The following RAPGEF2 variants were observed in gnomAD, a reference collection of about 807,000 sequenced individuals.
The protein encoded by RAPGEF2 is PDZ domain containing guanine nucleotide exchange factor (GEF) 1.
A neutral mutation model predicts 186.7 loss-of-function variants in RAPGEF2; 54 were observed. That is an observed-to-expected ratio of 0.29 (90% CI 0.23 to 0.36). RAPGEF2 has a LOEUF of 0.36. Ranked by LOEUF, RAPGEF2 falls within the 10% of genes least tolerant of loss-of-function variation. RAPGEF2 has a pLI of 1.00. For missense variants in RAPGEF2, 1,532 were observed against 2,045.0 expected, an observed-to-expected ratio of 0.75 and a Z score of 4.84; for synonymous variants, 712 against 705.9, an observed-to-expected ratio of 1.01 and a Z score of -0.14.
intron 4 of RAPGEF2, among the ~76,000 whole-genome samples, chr4:159,220,522 A>G (rs1327821657): frequency 1.3e-5 from 2 of 152,218 alleles, no homozygotes; most frequent in Non-Finnish European, 2.9e-5. Flanking sequence ...TTGGCGAGAC[A>G]TACAGGACAG....
chr4:159,131,698 G>T (rs1363297473), intron 1 of RAPGEF2, among the ~76,000 whole-genome samples: 1 of 151,590 alleles, frequency 6.6e-6, no homozygotes, highest in African/African-American at 2.4e-5. Context: ...CGTCTTTCGC[G>T]TTGTTGTGTA....
At chr4:159,326,341 T>G (rs1309329757) in intron 11 of RAPGEF2, among the ~76,000 whole-genome samples, 2 of 152,224 alleles carry the variant, frequency 1.3e-5, no homozygotes, top group African/African-American at 4.8e-5. Context: ...TTTCTATCAT[T>G]TTACTGACCA....
chr4:159,113,978 A>G (rs1034146795), intron 1 of RAPGEF2, among the ~76,000 whole-genome samples: 4 of 151,762 alleles, frequency 2.6e-5, no homozygotes, highest in Admixed American at 6.6e-5. Flanking sequence ...TATTTTTGCA[A>G]CAGGATCTCA....
intron 1 of RAPGEF2, among the ~76,000 whole-genome samples, chr4:159,181,097 T>C (rs887579084): frequency 7.2e-5 from 11 of 152,228 alleles, no homozygotes; most frequent in African/African-American, 2.4e-4. Flanking sequence ...GTGGCCCTTA[T>C]ACAACTGTGA....
At chr4:159,232,335 A>G (rs528608175) in intron 4 of RAPGEF2, among the ~76,000 whole-genome samples, 2 of 152,180 alleles carry the variant, frequency 1.3e-5, no homozygotes, top group African/African-American at 2.4e-5. Context: ...TTCTGTCTCT[A>G]TGAATTTGCC....
chr4:159,206,490 A>G (rs1391514369), intron 3 of RAPGEF2, among the ~76,000 whole-genome samples: 2 of 152,136 alleles, frequency 1.3e-5, no homozygotes, highest in East Asian at 1.9e-4. Flanking sequence ...GTACTGAACA[A>G]TTTGCTGCTG....
At chr4:159,284,618 CTT>C (rs34264272) in intron 7 of RAPGEF2, among the ~76,000 whole-genome samples, 1 of 152,060 alleles carries the variant, frequency 6.6e-6, no homozygotes, top group Non-Finnish European at 1.5e-5. Flanking sequence ...CACTTTATCC[CTT>C]TTTTCCTGAA....
intron 1 of RAPGEF2, among the ~76,000 whole-genome samples, chr4:159,138,444 C>T (rs1001675803): frequency 2.6e-5 from 4 of 152,140 alleles, no homozygotes; most frequent in African/African-American, 9.7e-5. Context: ...TCTCTTTCAG[C>T]TTTTGAAATT....
chr4:159,312,694 A>G (rs1764091630), intron 8 of RAPGEF2, among the ~76,000 whole-genome samples: 1 of 152,168 alleles, frequency 6.6e-6, no homozygotes, highest in Non-Finnish European at 1.5e-5. Flanking sequence ...TTCTTTTTTA[A>G]ATAATATATG....
At chr4:159,221,709 A>G (rs933784228) in intron 4 of RAPGEF2, among the ~76,000 whole-genome samples, 1 of 152,206 alleles carries the variant, frequency 6.6e-6, no homozygotes, top group Non-Finnish European at 1.5e-5. Context: ...TGGCTTAGCC[A>G]CGCTCCTTTA....
At chr4:159,166,949 G>A (rs746706990) in intron 1 of RAPGEF2, among the ~76,000 whole-genome samples, 7 of 152,076 alleles carry the variant, frequency 4.6e-5, no homozygotes, top group African/African-American at 7.2e-5. Flanking sequence ...TTGAAATTTG[G>A]TGATCAAGGG....
chr4:159,273,183 C>T (rs910031389), intron 7 of RAPGEF2, among the ~76,000 whole-genome samples: 5 of 152,148 alleles, frequency 3.3e-5, no homozygotes, highest in African/African-American at 1.2e-4. Flanking sequence ...TATCTCTTGG[C>T]ATGATTTTCC....
intron 4 of RAPGEF2, among the ~76,000 whole-genome samples, chr4:159,213,122 G>A (rs1750682020): frequency 6.6e-6 from 1 of 152,210 alleles, no homozygotes; most frequent in East Asian, 1.9e-4. Flanking sequence ...CTATATATAG[G>A]TTATTCCTTC....
chr4:159,220,581 T>C (rs960233796), intron 4 of RAPGEF2, among the ~76,000 whole-genome samples: 1 of 152,214 alleles, frequency 6.6e-6, no homozygotes, highest in Non-Finnish European at 1.5e-5. Context: ...CTACAGTTAC[T>C]GATCGCTGTG....
At chr4:159,318,459 T>C (rs1764863553) in intron 9 of RAPGEF2, among the ~76,000 whole-genome samples, 1 of 152,212 alleles carries the variant, frequency 6.6e-6, no homozygotes, top group South Asian at 2.1e-4. Context: ...CGTGCATGCA[T>C]GTGAGTGTGT....
chr4:159,147,453 A>G (rs1259396913), intron 1 of RAPGEF2, among the ~76,000 whole-genome samples: 1 of 152,054 alleles, frequency 6.6e-6, no homozygotes, highest in Non-Finnish European at 1.5e-5. Flanking sequence ...CTTTGAGGAG[A>G]CAGGTTAGCT....
At chr4:159,303,002 TTA>T (rs1459615184) in intron 7 of RAPGEF2, among the ~76,000 whole-genome samples, 1 of 152,170 alleles carries the variant, frequency 6.6e-6, no homozygotes, top group Non-Finnish European at 1.5e-5. Flanking sequence ...CCTATTAAGT[TTA>T]TGTTTAAATC....
Position 159,358,199 on chromosome 4 carries a change from C to T in RAPGEF2, c.*60C>T. On this transcript the variant is annotated 3_prime_UTR_variant, in exon 30 of 30. Coordinates refer to ENST00000691494, the MANE Select transcript of RAPGEF2 (RefSeq NM_001394067.2). ...TGAAAGGAGAGCACAAGAAGACGTC[C>T]TGAGCATTGGAGCCTTGGAACTCAC... 2 of 1,536,016 alleles carry T rather than the reference C, an allele frequency of 1.3e-6. No individual in the cohort carries two copies. The highest frequency in any genetic ancestry group is 1.4e-5 in the African/African-American group (1 of 72,800).
At chr4:159,215,226 G>A in intron 4 of RAPGEF2, among the ~76,000 whole-genome samples, 1 of 152,148 alleles carries the variant, frequency 6.6e-6, no homozygotes, top group Admixed American at 6.5e-5. Flanking sequence ...GGGCTTGAGT[G>A]CAGTGGCGCA....
Sources: allele counts gnomAD v4.1 joint callset (sites outside exome capture counted in the v4.1 genomes callset), GRCh38; gene constraint gnomAD v4.1.1; transcripts MANE v1.5; gene names NCBI Gene and HGNC (gene_info 2026-07-23, HGNC 2026-07-21).